The following NCAM2 variants were observed in gnomAD, a reference collection of about 807,000 sequenced individuals.
NCAM2 encodes the protein neural cell adhesion molecule 2, also known as N-CAM-2.
A neutral mutation model predicts 98.1 loss-of-function variants in NCAM2; 30 were observed. That is an observed-to-expected ratio of 0.31 (90% CI 0.23 to 0.41). The LOEUF is 0.41. Among genes scored for constraint, NCAM2 ranks in the 10% least tolerant of loss-of-function variants. The probability of loss-of-function intolerance (pLI) is 1.00; values close to 1 mark genes in which losing one functional copy is unlikely to be tolerated. For missense variants in NCAM2, 867 were observed against 1,005.8 expected, an observed-to-expected ratio of 0.86 and a Z score of 1.87; for synonymous variants, 368 against 342.4, an observed-to-expected ratio of 1.07 and a Z score of -0.83.
Position 21,117,072 on chromosome 21 carries a change from C to T in NCAM2, c.55+118454C>T, listed in dbSNP as rs958110541. On this transcript the variant is annotated intron_variant, in intron 1 of 17. Coordinates refer to ENST00000400546, the MANE Select transcript of NCAM2 (RefSeq NM_004540.5). ...TACAATATGATGATTTGATATATAT[C>T]GACATTGTGATATATACATCTACAT... Among the ~76,000 whole-genome samples the T allele has an allele frequency of 1.2e-4, 18 of 152,080 alleles. No individual in the cohort carries two copies. In the East Asian group the frequency reaches 2.1e-3, roughly 18 times the overall value.
At chr21:21,173,376 A>G (rs2068182338) in intron 1 of NCAM2, among the ~76,000 whole-genome samples, 1 of 152,214 alleles carries the variant, frequency 6.6e-6, no homozygotes, top group Admixed American at 6.5e-5. Context: ...GCTTAGAGGC[A>G]CATTAATAGA....
At position 21,373,951 on chromosome 21, in the gene NCAM2, A is replaced by G; in HGVS notation, c.1133A>G (p.Tyr378Cys). ...KDVKLSDSGR[Y>C]DCEAASRIGG... The stretch of plus-strand genomic sequence containing the variant: ...GTGAAGTTGTCAGATTCAGGGAGAT[A>G]TGACTGTGAAGCTGCAAGCAGAATT... The change falls in exon 9 of 18, where the codon TAT becomes TGT. Residue 378 changes from tyrosine to cysteine, a missense_variant. Tyr to Cys is a radical substitution (Grantham distance 194, BLOSUM62 -2). This residue lies in a region of NCAM2 where 447 missense variants were observed against 495.7 expected (regional missense o/e 0.90). Coordinates refer to ENST00000400546, the MANE Select transcript of NCAM2 (RefSeq NM_004540.5). 1 of 1,611,104 alleles carries G rather than the reference A, an allele frequency of 6.2e-7. No homozygotes were observed. Among genetic ancestry groups the G allele is most frequent in the Non-Finnish European group, 8.5e-7 (1 of 1,178,178 alleles).
intron 1 of NCAM2, among the ~76,000 whole-genome samples, chr21:21,084,629 C>G (rs898113154): frequency 6.6e-6 from 1 of 152,100 alleles, no homozygotes; most frequent in Non-Finnish European, 1.5e-5. Context: ...TGTAATAAAA[C>G]ATTAGAAATT....
At chr21:21,058,767 G>T (rs901566489) in intron 1 of NCAM2, among the ~76,000 whole-genome samples, 2 of 151,278 alleles carry the variant, frequency 1.3e-5, no homozygotes, top group African/African-American at 4.9e-5. Context: ...GAAAAACGAA[G>T]AAAAAGAAGA....
intron 8 of NCAM2, among the ~76,000 whole-genome samples, chr21:21,343,491 T>C (rs545233849): frequency 1.3e-5 from 2 of 152,020 alleles, no homozygotes; most frequent in South Asian, 4.2e-4. Flanking sequence ...AAAAAAATAG[T>C]CCTGAATAAA....
chr21:21,035,261 TG>T (rs1236956527), intron 1 of NCAM2, among the ~76,000 whole-genome samples: 2 of 152,136 alleles, frequency 1.3e-5, no homozygotes, highest in Non-Finnish European at 2.9e-5. Flanking sequence ...ATAAAATAAC[TG>T]GTATTTCCAA....
chr21:21,155,442 C>T, intron 1 of NCAM2, among the ~76,000 whole-genome samples: 1 of 151,320 alleles, frequency 6.6e-6, no homozygotes, highest in Middle Eastern at 3.5e-3. Flanking sequence ...TTTCTTTTTC[C>T]TTTTATTTAA....
At chr21:21,467,428 T>TATATATATGTATATCTTTA (rs1555902035) in intron 13 of NCAM2, among the ~76,000 whole-genome samples, 4 of 140,734 alleles carry the variant, frequency 2.8e-5, no homozygotes, top group African/African-American at 1.1e-4. Flanking sequence ...ATATATCTTT[T>TATATATATGTATATCTTTA]TATATATATA....
intron 1 of NCAM2, among the ~76,000 whole-genome samples, chr21:21,159,216 CTAT>C (rs367999932): frequency 2.0e-5 from 3 of 151,676 alleles, no homozygotes; most frequent in African/African-American, 4.8e-5. Flanking sequence ...GTGTTGTAAG[CTAT>C]TATTACAAAA....
chr21:21,167,313 G>A (rs1399564245), intron 1 of NCAM2, among the ~76,000 whole-genome samples: 1 of 151,976 alleles, frequency 6.6e-6, no homozygotes, highest in Non-Finnish European at 1.5e-5. Context: ...AGAAAAAAAG[G>A]ATAATCCAAT....
chr21:21,445,733 G>A (rs1169655175), intron 12 of NCAM2, among the ~76,000 whole-genome samples: 1 of 151,908 alleles, frequency 6.6e-6, no homozygotes, highest in African/African-American at 2.4e-5. Context: ...CACGTGAGAT[G>A]GGTCTCCAGA....
At chr21:21,360,956 ACTC>A (rs1413589369) in intron 8 of NCAM2, among the ~76,000 whole-genome samples, 6 of 151,834 alleles carry the variant, frequency 4.0e-5, no homozygotes. Flanking sequence ...AATTTACAAA[ACTC>A]CTCTATCATC....
intron 8 of NCAM2, among the ~76,000 whole-genome samples, chr21:21,349,500 A>G (rs1353138027): frequency 6.6e-6 from 1 of 152,162 alleles, no homozygotes; most frequent in Non-Finnish European, 1.5e-5. Flanking sequence ...ATAGTAAAAT[A>G]GCAATGGAGA....
At chr21:21,450,473 TAG>T (rs752376361) in intron 12 of NCAM2, among the ~76,000 whole-genome samples, 6 of 151,876 alleles carry the variant, frequency 4.0e-5, no homozygotes, top group Non-Finnish European at 8.8e-5. Flanking sequence ...GCCTCCTGAG[TAG>T]CTGGGACTAC....
At chr21:21,209,909 T>A (rs753431660) in intron 1 of NCAM2, among the ~76,000 whole-genome samples, 1 of 152,148 alleles carries the variant, frequency 6.6e-6, no homozygotes, top group South Asian at 2.1e-4. Context: ...GGTAAGATAT[T>A]GCGACTAAAA....
rs560410625 is a variant in NCAM2 at position 21,197,890 on chromosome 21, A to T, written c.56-82688A>T. Reference sequence around the variant, plus strand: ...ATATCATTTAGCCATTGTGAAATGGACAGCATTGCACCTTTGGTGACAAAA... The same window carrying T: ...ATATCATTTAGCCATTGTGAAATGGTCAGCATTGCACCTTTGGTGACAAAA... On this transcript the variant is annotated intron_variant, in intron 1 of 17. Coordinates refer to ENST00000400546, the MANE Select transcript of NCAM2 (RefSeq NM_004540.5). Among the ~76,000 whole-genome samples the T allele has an allele frequency of 1.2e-4, 18 of 152,268 alleles. No individual in the cohort carries two copies. The South Asian group carries it at 3.7e-3, about 32-fold the overall frequency.
At chr21:21,082,285 A>T (rs938617747) in intron 1 of NCAM2, among the ~76,000 whole-genome samples, 1 of 148,766 alleles carries the variant, frequency 6.7e-6, no homozygotes, top group African/African-American at 2.5e-5. Context: ...TCAAAACAAA[A>T]AAAAAAAAAC....
At chr21:21,013,005 G>A (rs894088848) in intron 1 of NCAM2, among the ~76,000 whole-genome samples, 1 of 152,050 alleles carries the variant, frequency 6.6e-6, no homozygotes, top group Non-Finnish European at 1.5e-5. Flanking sequence ...CCTGGTATTT[G>A]TCCCTCTCTT....
intron 9 of NCAM2, among the ~76,000 whole-genome samples, chr21:21,387,331 A>T (rs975422626): frequency 6.6e-6 from 1 of 152,064 alleles, no homozygotes; most frequent in African/African-American, 2.4e-5. Context: ...CCTACTTCCA[A>T]ATACCATTAC....
Sources: gnomAD v4.1 joint callset for allele counts (sites outside exome capture counted in the v4.1 genomes callset) on GRCh38, gnomAD v4.1.1 for gene constraint, gnomAD v4.1.1 regional missense constraint, MANE v1.5 for transcripts, NCBI Gene and HGNC (gene_info 2026-07-23, HGNC 2026-07-21) for gene names.